Variants in CDK9 observed in about 807,000 individuals in gnomAD.
CDK9 encodes the protein cyclin-dependent kinase 9.
A neutral mutation model predicts 39.0 loss-of-function variants in CDK9; 34 were observed. That is an observed-to-expected ratio of 0.87 (90% CI 0.66 to 1.16). The LOEUF (loss-of-function observed/expected upper bound fraction) is 1.16, where lower values mean the gene tolerates loss of function less well. Among genes scored for constraint, CDK9 ranks in the 50% most tolerant of loss-of-function variants. The pLI is 0.00. For synonymous variants in CDK9, 233 were observed against 196.2 expected (o/e 1.19, Z -1.57); for missense variants, 369 against 503.2 (o/e 0.73, Z 2.55).
chr9:127,786,876 G>A, intron 2 of CDK9, 94 bp downstream of exon 2: 1 of 989,186 alleles, frequency 1.0e-6, no homozygotes, highest in Non-Finnish European at 1.5e-6. Flanking sequence ...CTCAGGTTGA[G>A]ATTTAATTTT....
intron 2 of CDK9, among the ~76,000 whole-genome samples, chr9:127,786,999 G>A (rs1303201716): frequency 6.6e-6 from 1 of 152,214 alleles, no homozygotes; most frequent in African/African-American, 2.4e-5. Context: ...CATGCATCGT[G>A]TGCACTTTAT....
Position 127,788,244 on chromosome 9 carries a change from G to A in CDK9, c.463G>A (p.Val155Met), listed in dbSNP as rs1239547944. 1 of 1,613,906 alleles carries A rather than the reference G, an allele frequency of 6.2e-7. No homozygotes were observed. Among genetic ancestry groups the A allele is most frequent in the Non-Finnish European group, 8.5e-7 (1 of 1,180,036 alleles). Residue 155 changes from valine (V) to methionine (M), a missense_variant, in exon 5 of 7, where the codon GTG (valine) becomes ATG (methionine). Transcript: ENST00000373264. The stretch of plus-strand genomic sequence containing the variant: ...GCATAGGGACATGAAGGCTGCTAAT[G>A]TGCTTATCACTCGTGATGGGGTCCT... ...ILHRDMKAAN[V>M]LITRDGVLKL...
In CDK9 at chr9:127,789,721, A is replaced by G; in HGVS notation, c.*178A>G. The G allele has an allele frequency of 1.3e-6, 1 of 782,144 alleles. No homozygotes were observed. 48.5% of individuals were successfully genotyped at this position (782,144 alleles called of 1,614,324 possible). Reference sequence around the variant, plus strand: ...GTGGAGCATTGGCTGAGAGACCAGGAGGGCACTGGAGCTGTCTTGTCCTTG... The same window carrying G: ...GTGGAGCATTGGCTGAGAGACCAGGGGGGCACTGGAGCTGTCTTGTCCTTG... On this transcript the variant is annotated 3_prime_UTR_variant, in exon 7 of 7. Transcript: ENST00000373264. This position sits in a 1 kb window ranked among gnomAD's most constrained non-coding sequence, Gnocchi z 5.2.
rs747730447 is a variant in CDK9 at position 127,789,164 on chromosome 9, C to T, written c.754-14C>T. 4 of 1,549,088 alleles carry T rather than the reference C, an allele frequency of 2.6e-6. No homozygotes were observed. The highest frequency in any genetic ancestry group is 2.3e-5 in the East Asian group (1 of 44,126). On this transcript the variant is annotated splice_polypyrimidine_tract_variant and intron_variant, in intron 6 of 6. Coordinates refer to ENST00000373264, the MANE Select transcript of CDK9 (RefSeq NM_001261.4). This position sits in a 1 kb window ranked among gnomAD's most constrained non-coding sequence, Gnocchi z 5.2. ...ACCGGACTCCATATTCTCTCAACGCCCCCTCCCTCCCAGGTGTGGCCAAAC... is the reference window on the plus strand; with the variant it reads ...ACCGGACTCCATATTCTCTCAACGCTCCCTCCCTCCCAGGTGTGGCCAAAC...
intron 2 of CDK9, 37 bp from the exon 3 acceptor site, chr9:127,787,481 G>T: frequency 6.9e-7 from 1 of 1,451,862 alleles, no homozygotes; most frequent in South Asian, 1.1e-5. Flanking sequence ...TCTGTACTGC[G>T]CTCACTCTTG....
At chr9:127,787,247 C>T (rs1356585298) in intron 2 of CDK9, among the ~76,000 whole-genome samples, 1 of 152,006 alleles carries the variant, frequency 6.6e-6, no homozygotes, top group Non-Finnish European at 1.5e-5. Flanking sequence ...TTGTTGCCAA[C>T]GAAACAGCCA....
chr9:127,786,180 C>G lies in CDK9; in HGVS notation c.32C>G (p.Pro11Arg). The G allele has an allele frequency of 1.2e-6, 2 of 1,609,908 alleles. No individual in the cohort carries two copies. Among genetic ancestry groups the G allele is most frequent in the Non-Finnish European group, 1.7e-6 (2 of 1,178,556 alleles). MAKQYDSVEC[P>R]FCDEVSKYEK... Reference sequence around the variant, plus strand: ...AAGCAGTACGACTCGGTGGAGTGCCCTTTTTGTGATGAAGTTTCCAAATAC... The same window carrying G: ...AAGCAGTACGACTCGGTGGAGTGCCGTTTTTGTGATGAAGTTTCCAAATAC... Residue 11 changes from proline (P) to arginine (R), a missense_variant, in exon 1 of 7, where the codon CCT becomes CGT. Coordinates refer to ENST00000373264, the MANE Select transcript of CDK9 (RefSeq NM_001261.4).
At position 127,786,699 on chromosome 9, in the gene CDK9, A is replaced by G; in HGVS notation, c.93-2A>G. On this transcript the variant is annotated splice_acceptor_variant, in intron 1 of 6. Coordinates refer to ENST00000373264, the MANE Select transcript of CDK9 (RefSeq NM_001261.4). LOFTEE classifies it high-confidence loss of function. ...TTCTCGGGTCTCCCTTTCCGCCTGCAGGGAGGTGTTCAAGGCCAGGCACCG... is the reference window on the plus strand; with the variant it reads ...TTCTCGGGTCTCCCTTTCCGCCTGCGGGGAGGTGTTCAAGGCCAGGCACCG... 6.2e-7 allele frequency: 1 copy of G among 1,613,384 alleles called. No individual in the cohort carries two copies. The highest frequency in any genetic ancestry group is 8.5e-7 in the Non-Finnish European group (1 of 1,179,698).
In CDK9 at chr9:127,786,683, C is replaced by T. The variant is rs1405665721; in HGVS notation, c.93-18C>T. On this transcript the variant is annotated intron_variant, in intron 1 of 6. Coordinates refer to ENST00000373264, the MANE Select transcript of CDK9 (RefSeq NM_001261.4). Reference sequence around the variant, plus strand: ...GAAATGGCCTGATGAGTTCTCGGGTCTCCCTTTCCGCCTGCAGGGAGGTGT... The same window carrying T: ...GAAATGGCCTGATGAGTTCTCGGGTTTCCCTTTCCGCCTGCAGGGAGGTGT... 1.2e-6 allele frequency: 2 copies of T among 1,610,970 alleles called. No homozygotes were observed. The highest frequency in any genetic ancestry group is 1.7e-6 in the Non-Finnish European group (2 of 1,178,164).
chr9:127,787,619 T>C lies in CDK9; in HGVS notation c.265+11T>C, dbSNP rs200868761. ...TTTGTCGAACCAAAGGTAAGTTATT[T>C]GGTTCTTACGAGAAGATGACACTTG... On this transcript the variant is annotated intron_variant, in intron 3 of 6. Transcript: ENST00000373264. 3.7e-5 allele frequency: 59 copies of C among 1,590,120 alleles called. No individual in the cohort carries two copies. Among genetic ancestry groups the C allele is most frequent in the Non-Finnish European group, 5.0e-5 (58 of 1,158,134 alleles).
intron 3 of CDK9, 122 bp from the exon 4 acceptor site, chr9:127,787,825 C>A: frequency 9.1e-7 from 1 of 1,093,712 alleles, no homozygotes; most frequent in South Asian, 1.4e-5. Context: ...AAGGAAGGAA[C>A]AGACAGATGC....
In CDK9 at chr9:127,787,712, G is replaced by C; in HGVS notation, c.265+104G>C. The C allele has an allele frequency of 5.5e-6, 5 of 908,646 alleles. No individual in the cohort carries two copies. In the South Asian group the frequency reaches 7.3e-5, roughly 13 times the overall value. The allele number at this position is 908,646 out of a possible 1,614,324, so 56.3% of individuals were successfully genotyped here. A position where few individuals can be genotyped will look rare whatever the true frequency, so the allele number is the denominator to read the frequency against. On this transcript the variant is annotated intron_variant, in intron 3 of 6. Transcript: ENST00000373264. Reference sequence around the variant, plus strand: ...AAACTGCCTCTTCTTAACTCAGATGGACCCATGGTGACTGCTTTTTCTGGT... The same window carrying C: ...AAACTGCCTCTTCTTAACTCAGATGCACCCATGGTGACTGCTTTTTCTGGT...
chr9:127,786,268 G>A (rs751365977), intron 1 of CDK9, 28 bp downstream of exon 1: 1 of 1,579,834 alleles, frequency 6.3e-7, no homozygotes, highest in Admixed American at 1.7e-5. Context: ...GGGGCCGGGA[G>A]CCCTGGGCCT....
chr9:127,786,724 GC>G lies in CDK9; in HGVS notation c.117del (p.Lys40ArgfsTer8). On this transcript the variant is annotated frameshift_variant, in exon 2 of 7. Coordinates refer to ENST00000373264, the MANE Select transcript of CDK9 (RefSeq NM_001261.4). LOFTEE classifies it high-confidence loss of function. ...TFGEVFKARHRKTGQKVALKK... is the reference protein window; with the variant it reads ...TFGEVFKARHXKTGQKVALKK... ...AGGGAGGTGTTCAAGGCCAGGCACC[GC>G]AAGACCGGCCAGAAGGTGGCTCTGA... 1 of 1,613,996 alleles carries G rather than the reference GC, an allele frequency of 6.2e-7. No individual in the cohort carries two copies. The highest frequency in any genetic ancestry group is 8.5e-7 in the Non-Finnish European group (1 of 1,179,946).
intron 5 of CDK9, 26 bp downstream of exon 5, chr9:127,788,411 G>A (rs369965026): frequency 6.2e-6 from 10 of 1,601,420 alleles, no homozygotes; most frequent in Middle Eastern, 1.9e-4. Context: ...CGGGCCAAGG[G>A]GGGTGAGGGC....
rs903785451 is a variant in CDK9, at chr9:127,788,753, G to A, written c.753+61G>A. The A allele has an allele frequency of 2.7e-6, 4 of 1,486,106 alleles. No individual in the cohort carries two copies. In the African/African-American group the frequency reaches 4.2e-5, roughly 16 times the overall value. The allele number at this position is 1,486,106 out of a possible 1,614,324, so 92.1% of individuals were successfully genotyped here. On this transcript the variant is annotated intron_variant, in intron 6 of 6. Coordinates refer to ENST00000373264, the MANE Select transcript of CDK9 (RefSeq NM_001261.4). ...GAGGTCCCCCGGCAGAGGAGGAGTGGGGAGTAGAATGGAAGGAGCGCTCCT... is the reference window on the plus strand; with the variant it reads ...GAGGTCCCCCGGCAGAGGAGGAGTGAGGAGTAGAATGGAAGGAGCGCTCCT...
Position 127,790,559 on chromosome 9 carries a change from T to A in CDK9, c.*1016T>A, listed in dbSNP as rs1829409668. 1 of 152,094 alleles carries A rather than the reference T, an allele frequency of 6.6e-6. No homozygotes were observed. The highest frequency in any genetic ancestry group is 2.1e-4 in the South Asian group (1 of 4,828). The allele number at this position is 152,094 out of a possible 1,614,324, so 9.4% of individuals were successfully genotyped here. On this transcript the variant is annotated 3_prime_UTR_variant, in exon 7 of 7. Coordinates refer to ENST00000373264, the MANE Select transcript of CDK9 (RefSeq NM_001261.4). ...GTGGGAGAAAAAAACAGACTGAAGG[T>A]AGAATCCTTGGGAACCTTTGAGGAG...
In CDK9 at chr9:127,789,643, T is replaced by C; in HGVS notation, c.*100T>C. On this transcript the variant is annotated 3_prime_UTR_variant, in exon 7 of 7. Transcript: ENST00000373264. The surrounding 1 kb of genome is among the most constrained non-coding windows in gnomAD (Gnocchi z 5.2). Reference sequence around the variant, plus strand: ...TTTGAGTTTATATCTCTCATGCATATTTTATTTAATCCCCACCCTGGGCTC... The same window carrying C: ...TTTGAGTTTATATCTCTCATGCATACTTTATTTAATCCCCACCCTGGGCTC... 7.0e-7 allele frequency: 1 copy of C among 1,432,844 alleles called. No individual in the cohort carries two copies. The highest frequency in any genetic ancestry group is 9.4e-7 in the Non-Finnish European group (1 of 1,068,830). 88.8% of individuals were successfully genotyped at this position (1,432,844 alleles called of 1,614,324 possible).
chr9:127,786,608 C>T, intron 1 of CDK9, 93 bp from the exon 2 acceptor site: 3 of 1,152,166 alleles, frequency 2.6e-6, no homozygotes, highest in Non-Finnish European at 2.5e-6. Flanking sequence ...GCCCGGGAAT[C>T]TCTTTGCTGC....
Sources: gnomAD v4.1 joint callset for allele counts (sites outside exome capture counted in the v4.1 genomes callset) on GRCh38, gnomAD v4.1.1 for gene constraint, Gnocchi (gnomAD v3.1) non-coding constraint, MANE v1.5 for transcripts, NCBI Gene and HGNC (gene_info 2026-07-23, HGNC 2026-07-21) for gene names.